GPSM2: variants seen among roughly 807,000 people sequenced by gnomAD.
GPSM2 encodes the protein G protein-signaling modulator 2.
A neutral mutation model predicts 78.4 loss-of-function variants in GPSM2; 58 were observed. The observed-to-expected ratio is 0.74, with a 90% CI of 0.60 to 0.92. The LOEUF is 0.92. GPSM2 is among the 40% of genes least tolerant of loss of function. The pLI, the probability that GPSM2 is intolerant of heterozygous loss-of-function variation, is 0.00. For missense variants in GPSM2, 700 were observed against 815.5 expected, an observed-to-expected ratio of 0.86 and a Z score of 1.73; for synonymous variants, 224 against 280.2, an observed-to-expected ratio of 0.80 and a Z score of 2.00.
At chr1:108,891,624 A>C (rs1304576593) in intron 2 of GPSM2, among the ~76,000 whole-genome samples, 1 of 150,372 alleles carries the variant, frequency 6.7e-6, no homozygotes, top group Non-Finnish European at 1.5e-5. Context: ...CCTCCCGAGT[A>C]GCTGGGACTA....
Position 108,934,505 on chromosome 1 carries a change from A to T in GPSM2, c.*4565A>T. On this transcript the variant is annotated 3_prime_UTR_variant, in exon 15 of 15. Transcript: ENST00000264126. ...CTTTTACATATATAACGTGTTTGTT[A>T]ATTCTAATTGTCAGTAAAAATGTGA... 1 of 731,274 alleles carries T rather than the reference A, an allele frequency of 1.4e-6. No individual in the cohort carries two copies. Among genetic ancestry groups the T allele is most frequent in the Non-Finnish European group, 2.2e-6 (1 of 463,708 alleles). 45.3% of individuals were successfully genotyped at this position (731,274 alleles called of 1,614,324 possible). A position where few individuals can be genotyped will look rare whatever the true frequency, so the allele number is the denominator to read the frequency against.
intron 2 of GPSM2, among the ~76,000 whole-genome samples, chr1:108,894,666 C>A (rs558067664): frequency 6.6e-6 from 1 of 152,116 alleles, no homozygotes; most frequent in African/African-American, 2.4e-5. Context: ...CTGCTGCACT[C>A]CAGCCTGAGT....
chr1:108,930,414 T>A lies in GPSM2; in HGVS notation c.*474T>A, dbSNP rs1017420538. On this transcript the variant is annotated 3_prime_UTR_variant, in exon 15 of 15. Coordinates refer to ENST00000264126, the MANE Select transcript of GPSM2 (RefSeq NM_013296.5). Reference sequence around the variant, plus strand: ...GTCTTACTAAAAATCTAGGTTTTTTTTTCCTCCATGAAAATCTGTTTTTTT... The same window carrying A: ...GTCTTACTAAAAATCTAGGTTTTTTATTCCTCCATGAAAATCTGTTTTTTT... The A allele has an allele frequency of 6.5e-6, 1 of 153,624 alleles. No homozygotes were observed. Among genetic ancestry groups the A allele is most frequent in the Non-Finnish European group, 1.4e-5 (1 of 69,028 alleles). The allele number at this position is 153,624 out of a possible 1,614,324, so 9.5% of individuals were successfully genotyped here.
chr1:108,896,942 A>T lies in GPSM2; in HGVS notation c.135A>T (p.Ser45=). ...CKSGDCRAGV[S]FFEAAVQVGT... is the part of the protein sequence containing the mutation. ...CAGGAGACTGCCGCGCTGGCGTGTC[A>T]TTCTTTGAAGCTGCAGTTCAAGTTG... The change falls in exon 3 of 15, where the codon TCA becomes TCT. Residue 45 remains serine, a synonymous_variant. Transcript: ENST00000264126. The T allele has an allele frequency of 6.2e-7, 1 of 1,614,202 alleles. No individual in the cohort carries two copies. Among genetic ancestry groups the T allele is most frequent in the Non-Finnish European group, 8.5e-7 (1 of 1,180,010 alleles).
At chr1:108,921,647 G>A (rs1281627015) in intron 12 of GPSM2, among the ~76,000 whole-genome samples, 2 of 152,074 alleles carry the variant, frequency 1.3e-5, no homozygotes, top group Non-Finnish European at 2.9e-5. Context: ...CTGCCCTTCA[G>A]TTCATAATCA....
chr1:108,889,587 T>A (rs1174084262), intron 2 of GPSM2, among the ~76,000 whole-genome samples: 1 of 152,206 alleles, frequency 6.6e-6, no homozygotes, highest in African/African-American at 2.4e-5. Context: ...AAATTTTGCG[T>A]CTAAGGAATA....
intron 9 of GPSM2, among the ~76,000 whole-genome samples, 183 bp from the exon 10 acceptor site, chr1:108,903,942 G>A (rs1055384542): frequency 9.2e-5 from 14 of 151,984 alleles, no homozygotes; most frequent in African/African-American, 3.4e-4. Flanking sequence ...TTTTCTTTCT[G>A]TATTCTTTAA....
At chr1:108,919,799 T>C (rs1170353192) in intron 12 of GPSM2, among the ~76,000 whole-genome samples, 1 of 152,126 alleles carries the variant, frequency 6.6e-6, no homozygotes, top group African/African-American at 2.4e-5. Context: ...ATCAGGGAAA[T>C]CTCGAATCCA....
At chr1:108,878,347 A>G (rs1003082153) in intron 1 of GPSM2, among the ~76,000 whole-genome samples, 2 of 152,156 alleles carry the variant, frequency 1.3e-5, no homozygotes, top group Non-Finnish European at 2.9e-5. Flanking sequence ...GCTATTTCCC[A>G]GGCTATTACT....
chr1:108,914,657 A>C (rs1650040121), intron 11 of GPSM2, among the ~76,000 whole-genome samples: 1 of 152,218 alleles, frequency 6.6e-6, no homozygotes, highest in Non-Finnish European at 1.5e-5. Context: ...ATAAGATATA[A>C]GAAACGGGCT....
In GPSM2 at chr1:108,931,096, T is replaced by G. The variant is rs535485694; in HGVS notation, c.*1156T>G. 2.7e-5 allele frequency: 9 copies of G among 331,374 alleles called. No individual in the cohort carries two copies. Among genetic ancestry groups the G allele is most frequent in the Non-Finnish European group, 4.9e-5 (9 of 183,018 alleles). The allele number at this position is 331,374 out of a possible 1,614,324, so 20.5% of individuals were successfully genotyped here. On this transcript the variant is annotated 3_prime_UTR_variant, in exon 15 of 15. Transcript: ENST00000264126. Reference sequence around the variant, plus strand: ...GTGTGTTTTGGGCTGTTTAAAAAAATTATTTAAAATGGTCTCTTCTGTTCC... The same window carrying G: ...GTGTGTTTTGGGCTGTTTAAAAAAAGTATTTAAAATGGTCTCTTCTGTTCC...
rs752990484 is a variant in GPSM2 at position 108,898,101 on chromosome 1, A to C, written c.557A>C (p.Glu186Ala). 1 of 1,613,764 alleles carries C rather than the reference A, an allele frequency of 6.2e-7. No homozygotes were observed. The highest frequency in any genetic ancestry group is 1.1e-5 in the South Asian group (1 of 91,074). The stretch of plus-strand genomic sequence containing the variant: ...CTGCAGGCAGCCGTGGATTTTTATG[A>C]GTGAGTAGGGGCTGATATGGGCAGT... ...DALQAAVDFY[E>A]ENLSLVTALG... The change falls in exon 5 of 15, where the codon GAG (glutamate) becomes GCG (alanine). Residue 186 changes from glutamate to alanine, a missense_variant and splice_region_variant. By Grantham distance (107) the Glu-to-Ala change is moderately radical (BLOSUM62 -1). Coordinates refer to ENST00000264126, the MANE Select transcript of GPSM2 (RefSeq NM_013296.5).
intron 2 of GPSM2, among the ~76,000 whole-genome samples, chr1:108,895,655 T>C (rs1238314081): frequency 6.6e-6 from 1 of 152,014 alleles, no homozygotes; most frequent in African/African-American, 2.4e-5. Flanking sequence ...TCTGTCACTG[T>C]CTCCAGTCAC....
intron 2 of GPSM2, among the ~76,000 whole-genome samples, chr1:108,887,798 T>C (rs1647680527): frequency 6.6e-6 from 1 of 152,146 alleles, no homozygotes; most frequent in African/African-American, 2.4e-5. Flanking sequence ...CCTTCATAAA[T>C]GAGCATCTTG....
chr1:108,901,956 C>T lies in GPSM2; in HGVS notation c.953+11C>T, dbSNP rs372955306. 54 of 1,586,598 alleles carry T rather than the reference C, an allele frequency of 3.4e-5. No homozygotes were observed. The African/African-American group carries it at 3.9e-4, about 11-fold the overall frequency. The stretch of plus-strand genomic sequence containing the variant: ...AGAGCTGAATGATAGGTATGTTTTA[C>T]GTCTTTTTACCATAACTAAGGTAAA... On this transcript the variant is annotated intron_variant, in intron 8 of 14. Coordinates refer to ENST00000264126, the MANE Select transcript of GPSM2 (RefSeq NM_013296.5).
At chr1:108,912,102 C>T (rs1202980107) in intron 10 of GPSM2, among the ~76,000 whole-genome samples, 1 of 151,808 alleles carries the variant, frequency 6.6e-6, no homozygotes, top group Admixed American at 6.6e-5. Flanking sequence ...ACCACCGTGC[C>T]CGGCTGACAA....
chr1:108,923,406 T>A (rs550316815), intron 13 of GPSM2, among the ~76,000 whole-genome samples: 5 of 152,260 alleles, frequency 3.3e-5, no homozygotes, highest in African/African-American at 1.2e-4. Flanking sequence ...ATATAAAACG[T>A]CAATGCTTCA....
intron 2 of GPSM2, among the ~76,000 whole-genome samples, chr1:108,892,767 C>A (rs747767481): frequency 7.9e-5 from 12 of 152,110 alleles, no homozygotes; most frequent in Non-Finnish European, 1.5e-4. Flanking sequence ...AATTTATAAA[C>A]CAAGCTGCCC....
In GPSM2 at chr1:108,932,551, A is replaced by C. The variant is rs549480746; in HGVS notation, c.*2611A>C. ...AAATTTTATTTAAAAATTTTTTAAAAGAATTTGGTTTTGGATTAAAAGGCA... is the reference window on the plus strand; with the variant it reads ...AAATTTTATTTAAAAATTTTTTAAACGAATTTGGTTTTGGATTAAAAGGCA... On this transcript the variant is annotated 3_prime_UTR_variant, in exon 15 of 15. Coordinates refer to ENST00000264126, the MANE Select transcript of GPSM2 (RefSeq NM_013296.5). 1 of 152,368 alleles carries C rather than the reference A, an allele frequency of 6.6e-6. No individual in the cohort carries two copies. The highest frequency in any genetic ancestry group is 1.9e-4 in the East Asian group (1 of 5,188). The allele number at this position is 152,368 out of a possible 1,614,324, so 9.4% of individuals were successfully genotyped here.
Sources: gnomAD v4.1 joint callset for allele counts (sites outside exome capture counted in the v4.1 genomes callset) on GRCh38, gnomAD v4.1.1 for gene constraint, MANE v1.5 for transcripts, NCBI Gene and HGNC (gene_info 2026-07-23, HGNC 2026-07-21) for gene names.